Variants in TOM1 observed in about 807,000 individuals in gnomAD.
The protein encoded by TOM1 is target of myb1 membrane trafficking protein.
A neutral mutation model predicts 61.3 loss-of-function variants in TOM1; 38 were observed. The observed-to-expected ratio is 0.62, with a 90% CI of 0.48 to 0.81. The LOEUF is 0.81. TOM1 is among the 40% of genes least tolerant of loss of function. The probability of loss-of-function intolerance (pLI) is 0.00; values close to 1 mark genes in which losing one functional copy is unlikely to be tolerated. For missense variants in TOM1, 591 were observed against 659.6 expected, an observed-to-expected ratio of 0.90 and a Z score of 1.14; for synonymous variants, 270 against 268.8, an observed-to-expected ratio of 1.00 and a Z score of -0.04.
chr22:35,333,396 C>G lies in TOM1; in HGVS notation c.934-8C>G. The G allele has an allele frequency of 5.6e-6, 9 of 1,613,458 alleles. No individual in the cohort carries two copies. Among genetic ancestry groups the G allele is most frequent in the Non-Finnish European group, 7.6e-6 (9 of 1,179,622 alleles). On this transcript the variant is annotated splice_region_variant and splice_polypyrimidine_tract_variant and intron_variant, in intron 9 of 14. Coordinates refer to ENST00000449058, the MANE Select transcript of TOM1 (RefSeq NM_005488.3). ...CGGGGATGATCAGGGCATCTCCCTT[C>G]CCACCAGGCCCCAAGTGAGGCCGAG... is the stretch of plus-strand genomic sequence containing the variant.
At chr22:35,338,412 G>A (rs1423322031) in intron 11 of TOM1, among the ~76,000 whole-genome samples, 2 of 152,220 alleles carry the variant, frequency 1.3e-5, no homozygotes, top group African/African-American at 4.8e-5. Context: ...ATGAGCCTAC[G>A]GGCACTGGAG....
At chr22:35,334,754 C>G (rs1029463957) in intron 11 of TOM1, among the ~76,000 whole-genome samples, 1 of 152,072 alleles carries the variant, frequency 6.6e-6, no homozygotes, top group Admixed American at 6.6e-5. Context: ...TCATTTGCCC[C>G]AGGTCAAGGA....
rs192570709 is a variant in TOM1, at chr22:35,347,625, T to C, written c.*416T>C. ...AGGCCTGGCTGGAGGCTGGCCACAGTGGAAATTCTGCCGAGCCTCTTGTCC... is the reference window on the plus strand; with the variant it reads ...AGGCCTGGCTGGAGGCTGGCCACAGCGGAAATTCTGCCGAGCCTCTTGTCC... On this transcript the variant is annotated 3_prime_UTR_variant, in exon 15 of 15. Coordinates refer to ENST00000449058, the MANE Select transcript of TOM1 (RefSeq NM_005488.3). 63 of 160,716 alleles carry C rather than the reference T, an allele frequency of 3.9e-4. No homozygotes were observed. The highest frequency in any genetic ancestry group is 1.6e-3 in the Admixed American group (25 of 15,880). The allele number at this position is 160,716 out of a possible 1,614,324, so 10.0% of individuals were successfully genotyped here. A position where few individuals can be genotyped will look rare whatever the true frequency, so the allele number is the denominator to read the frequency against.
At chr22:35,315,196 A>G (rs60452720) in intron 1 of TOM1, among the ~76,000 whole-genome samples, 4,473 of 152,124 alleles carry the variant, frequency 0.029, 218 homozygotes, top group African/African-American at 0.1. Context: ...GGGCTGGGGC[A>G]GGGGCAGTGG....
At chr22:35,338,217 G>T (rs1040557210) in intron 11 of TOM1, among the ~76,000 whole-genome samples, 1 of 152,144 alleles carries the variant, frequency 6.6e-6, no homozygotes, top group South Asian at 2.1e-4. Flanking sequence ...GAGACAAGGT[G>T]GGGGCAGAGT....
intron 2 of TOM1, 23 bp from the exon 3 acceptor site, chr22:35,321,936 A>G (rs1199726272): frequency 1.9e-6 from 3 of 1,610,544 alleles, no homozygotes; most frequent in Non-Finnish European, 2.5e-6. Context: ...TCCTAAGCCC[A>G]CCCTTTTTCT....
chr22:35,341,796 T>G (rs1275095252), intron 12 of TOM1, among the ~76,000 whole-genome samples: 1 of 152,194 alleles, frequency 6.6e-6, no homozygotes, highest in African/African-American at 2.4e-5. Context: ...AAAGAGAAGC[T>G]GATAAACCGG....
At chr22:35,320,026 G>T (rs1389073914) in intron 2 of TOM1, among the ~76,000 whole-genome samples, 2 of 152,252 alleles carry the variant, frequency 1.3e-5, no homozygotes, top group African/African-American at 4.8e-5. Context: ...CAGGCAGACA[G>T]CCGGATGGGT....
intron 1 of TOM1, among the ~76,000 whole-genome samples, chr22:35,309,991 C>T (rs1285386905): frequency 1.3e-5 from 2 of 152,188 alleles, no homozygotes; most frequent in African/African-American, 2.4e-5. Context: ...GGAGCATCTT[C>T]CACAACTATT....
intron 6 of TOM1, among the ~76,000 whole-genome samples, chr22:35,325,353 C>G (rs1466690964): frequency 6.6e-6 from 1 of 152,174 alleles, no homozygotes; most frequent in Non-Finnish European, 1.5e-5. Flanking sequence ...TTTCTCATAG[C>G]AAGTTATGAA....
At position 35,323,613 on chromosome 22, in the gene TOM1, A is replaced by C. The variant is rs1427939914; in HGVS notation, c.484A>C (p.Ile162Leu). The change falls in exon 5 of 15, where the codon ATC (isoleucine) becomes CTC (leucine). Residue 162 changes from isoleucine (I) to leucine (L), a missense_variant. Ile to Leu is a conservative substitution (Grantham distance 5). Coordinates refer to ENST00000449058, the MANE Select transcript of TOM1 (RefSeq NM_005488.3). This position sits in a 1 kb window ranked among gnomAD's most constrained non-coding sequence, Gnocchi z 4.2. ...GACTGACCTGGACATGCTGTCACCC[A>C]TCCACACACCCCAGAGGGTGAGAGA... The part of the protein sequence containing the change: ...PMTDLDMLSP[I>L]HTPQRTVFNS... The C allele has an allele frequency of 6.2e-7, 1 of 1,613,950 alleles. No homozygotes were observed. Among genetic ancestry groups the C allele is most frequent in the African/African-American group, 1.3e-5 (1 of 74,868 alleles).
chr22:35,337,336 G>A lies in TOM1; in HGVS notation c.1149-1377G>A, dbSNP rs62233315. Among the ~76,000 whole-genome samples the A allele has an allele frequency of 5.2e-3, 785 of 152,314 alleles. 1 individual carries two copies. The highest frequency in any genetic ancestry group is 7.5e-3 in the Non-Finnish European group (513 of 68,030). ...ATGCGCCAAGCATGTCTTAGAGACA[G>A]CAACAAGCACCTCCAGACCCTCAAT... On this transcript the variant is annotated intron_variant, in intron 11 of 14. Coordinates refer to ENST00000449058, the MANE Select transcript of TOM1 (RefSeq NM_005488.3).
rs769067919 is a variant in TOM1, at chr22:35,347,159, C to T, written c.1429C>T (p.Pro477Ser). 6.2e-7 allele frequency: 1 copy of T among 1,613,256 alleles called. No individual in the cohort carries two copies. Among genetic ancestry groups the T allele is most frequent in the Admixed American group, 1.7e-5 (1 of 59,750 alleles). ...GPPGPPSGPA[P>S]RKKTQEKDDD... ...CCCGGGTCCCCCATCTGGCCCAGCG[C>T]CCCGGAAGAAGACCCAGGAGAAAGA... The change falls in exon 15 of 15, where the codon CCC becomes TCC. Residue 477 changes from proline (P) to serine (S), a missense_variant. Pro to Ser is a moderately conservative substitution (Grantham distance 74). Coordinates refer to ENST00000449058, the MANE Select transcript of TOM1 (RefSeq NM_005488.3).
chr22:35,329,684 C>T (rs1928646291), intron 7 of TOM1, among the ~76,000 whole-genome samples: 1 of 152,190 alleles, frequency 6.6e-6, no homozygotes, highest in Admixed American at 6.5e-5. Context: ...TCACAGCATA[C>T]CCCCAGAAGT....
chr22:35,339,883 G>A (rs1318242484), intron 12 of TOM1, among the ~76,000 whole-genome samples: 9 of 145,394 alleles, frequency 6.2e-5, no homozygotes, highest in African/African-American at 1.0e-4. Flanking sequence ...CAACCTGGGC[G>A]ACAGAGCGAG....
Position 35,338,594 on chromosome 22 carries a change from A to G in TOM1, c.1149-119A>G, listed in dbSNP as rs548966135. On this transcript the variant is annotated intron_variant, in intron 11 of 14. Coordinates refer to ENST00000449058, the MANE Select transcript of TOM1 (RefSeq NM_005488.3). ...AGAGGCAGGAAATGAGACCCTTTTT[A>G]CCATTTCCAGGCAGGCCTGGAGGAT... The G allele has an allele frequency of 1.1e-5, 8 of 729,816 alleles. No individual in the cohort carries two copies. The East Asian group carries it at 1.3e-4, about 12-fold the overall frequency. 45.2% of individuals were successfully genotyped at this position (729,816 alleles called of 1,614,324 possible).
intron 7 of TOM1, among the ~76,000 whole-genome samples, chr22:35,330,123 C>CA (rs965981598): frequency 2.2e-4 from 32 of 145,148 alleles, no homozygotes; most frequent in South Asian, 2.2e-3. Context: ...ACTAAAACTA[C>CA]AAAAAAAAAA....
At chr22:35,340,910 G>A (rs1031230041) in intron 12 of TOM1, among the ~76,000 whole-genome samples, 1 of 152,208 alleles carries the variant, frequency 6.6e-6, no homozygotes, top group African/African-American at 2.4e-5. Context: ...GGAGGACGCT[G>A]GGGTGGGCCA....
chr22:35,325,631 C>T (rs986178649), intron 6 of TOM1, among the ~76,000 whole-genome samples: 7 of 152,124 alleles, frequency 4.6e-5, no homozygotes, highest in Non-Finnish European at 1.0e-4. Flanking sequence ...GTGCTGACAG[C>T]GAGCTGCACT....
Sources: allele counts gnomAD v4.1 joint callset (sites outside exome capture counted in the v4.1 genomes callset), GRCh38; gene constraint gnomAD v4.1.1; non-coding constraint Gnocchi (gnomAD v3.1); transcripts MANE v1.5; gene names NCBI Gene and HGNC (gene_info 2026-07-23, HGNC 2026-07-21).